The following GALNT17 variants were observed in gnomAD, a reference collection of about 807,000 sequenced individuals.
GALNT17 encodes UDP-GalNAc:polypeptide N-acetylgalactosaminyltransferase-like 3.
In GALNT17, 29 loss-of-function variants were observed where a neutral mutation model predicts 63.7. The ratio of observed to expected loss-of-function variants is 0.46; its 90% CI spans 0.34 to 0.62. The LOEUF (loss-of-function observed/expected upper bound fraction) is 0.62, where lower values mean the gene tolerates loss of function less well. GALNT17 is among the 20% of genes least tolerant of loss of function. The pLI is 0.01. For synonymous variants in GALNT17, 305 were observed against 318.3 expected (o/e 0.96, Z 0.45); for missense variants, 603 against 799.6 (o/e 0.75, Z 2.97).
chr7:71,401,719 A>C (rs1474316714), intron 3 of GALNT17, among the ~76,000 whole-genome samples: 1 of 152,140 alleles, frequency 6.6e-6, no homozygotes, highest in Non-Finnish European at 1.5e-5. Flanking sequence ...CCTTATGAGA[A>C]TCTAACGCCT....
intron 5 of GALNT17, among the ~76,000 whole-genome samples, chr7:71,551,767 A>T (rs1361986196): frequency 9.7e-6 from 1 of 102,926 alleles, no homozygotes; most frequent in Non-Finnish European, 2.5e-5. Context: ...CAAAAAAAAA[A>T]AAAAAAGAGA....
chr7:71,313,691 G>A (rs1278376055), intron 1 of GALNT17, among the ~76,000 whole-genome samples: 1 of 152,228 alleles, frequency 6.6e-6, no homozygotes, highest in African/African-American at 2.4e-5. Context: ...GAGGGAGCTA[G>A]TCTGGGGACA....
chr7:71,373,720 G>A (rs1337393143), intron 2 of GALNT17, among the ~76,000 whole-genome samples: 2 of 152,116 alleles, frequency 1.3e-5, no homozygotes, highest in Non-Finnish European at 2.9e-5. Flanking sequence ...AATGCCTGAT[G>A]ATCTGAGATG....
At chr7:71,540,823 TAGTTAACACAGGATC>T (rs1309329247) in intron 5 of GALNT17, among the ~76,000 whole-genome samples, 1 of 152,190 alleles carries the variant, frequency 6.6e-6, no homozygotes, top group Non-Finnish European at 1.5e-5. Flanking sequence ...GCCATTTTCT[TAGTTAACACAGGATC>T]AGTTAACTCT....
At chr7:71,380,223 G>A (rs1290912460) in intron 2 of GALNT17, among the ~76,000 whole-genome samples, 2 of 152,270 alleles carry the variant, frequency 1.3e-5, no homozygotes, top group East Asian at 3.9e-4. Flanking sequence ...TGGGTGAAGC[G>A]AGGAATGAAT....
At chr7:71,365,967 G>A (rs983808892) in intron 2 of GALNT17, among the ~76,000 whole-genome samples, 2 of 152,148 alleles carry the variant, frequency 1.3e-5, no homozygotes, top group African/African-American at 4.8e-5. Flanking sequence ...CAACTAGACG[G>A]TCCCATCTGG....
chr7:71,309,050 T>G (rs947147415), intron 1 of GALNT17, among the ~76,000 whole-genome samples: 2 of 152,152 alleles, frequency 1.3e-5, no homozygotes, highest in Admixed American at 6.5e-5. Flanking sequence ...AGCTCATTTC[T>G]TTTTACTCTC....
Position 71,603,473 on chromosome 7 carries a change from T to TG in GALNT17, c.1080+32072dup, listed in dbSNP as rs574553425. On this transcript the variant is annotated intron_variant, in intron 6 of 10. Coordinates refer to ENST00000333538, the MANE Select transcript of GALNT17 (RefSeq NM_022479.3). Reference sequence around the variant, plus strand: ...TGCATATACCAGGTACTATGTTAAGTGCGTACACTGGATGCCATGCTGAGT... The same window carrying TG: ...TGCATATACCAGGTACTATGTTAAGTGGCGTACACTGGATGCCATGCTGAGT... 5.1e-4 allele frequency among the ~76,000 whole-genome samples: 77 copies of TG among 152,232 alleles called. 1 individual carries two copies. The East Asian group carries it at 0.013, about 26-fold the overall frequency.
chr7:71,651,879 T>A, intron 6 of GALNT17, among the ~76,000 whole-genome samples: 1 of 152,048 alleles, frequency 6.6e-6, no homozygotes, highest in South Asian at 2.1e-4. Flanking sequence ...GCCCAGCTAA[T>A]TTTTAAATGT....
chr7:71,451,088 A>T (rs1359521820), intron 5 of GALNT17, among the ~76,000 whole-genome samples: 1 of 151,226 alleles, frequency 6.6e-6, no homozygotes, highest in Non-Finnish European at 1.5e-5. Flanking sequence ...CACTCCCTCC[A>T]CCCCACAGCA....
At chr7:71,183,129 G>A (rs956820898) in intron 1 of GALNT17, among the ~76,000 whole-genome samples, 15 of 152,228 alleles carry the variant, frequency 9.9e-5, no homozygotes, top group African/African-American at 2.2e-4. Context: ...AGTACAAGGC[G>A]GAAACTGTGC....
intron 5 of GALNT17, among the ~76,000 whole-genome samples, chr7:71,530,726 C>A (rs1407010929): frequency 6.6e-6 from 1 of 152,028 alleles, no homozygotes; most frequent in African/African-American, 2.4e-5. Flanking sequence ...CGCCTACAGG[C>A]CTGGCTAATT....
intron 5 of GALNT17, among the ~76,000 whole-genome samples, chr7:71,503,833 C>T (rs1563140966): frequency 1.3e-5 from 2 of 152,066 alleles, no homozygotes; most frequent in Non-Finnish European, 1.5e-5. Context: ...CCGTGGCTCA[C>T]GCTTGTAATC....
At chr7:71,290,680 A>G (rs1361805815) in intron 1 of GALNT17, among the ~76,000 whole-genome samples, 2 of 152,178 alleles carry the variant, frequency 1.3e-5, no homozygotes, top group Non-Finnish European at 2.9e-5. Context: ...GGCTGGTCCC[A>G]TCCTGATGTG....
chr7:71,225,318 G>A (rs924505027), intron 1 of GALNT17, among the ~76,000 whole-genome samples: 5 of 152,198 alleles, frequency 3.3e-5, no homozygotes, highest in Admixed American at 6.5e-5. Context: ...AAATTTTCAG[G>A]TAGAGCATGC....
chr7:71,208,674 T>G (rs971157098), intron 1 of GALNT17, among the ~76,000 whole-genome samples: 2 of 151,936 alleles, frequency 1.3e-5, no homozygotes, highest in African/African-American at 4.8e-5. Context: ...CTGGTCTTGA[T>G]CTCCTGGACT....
At chr7:71,514,973 T>C (rs572242449) in intron 5 of GALNT17, among the ~76,000 whole-genome samples, 242 of 152,306 alleles carry the variant, frequency 1.6e-3, no homozygotes, top group African/African-American at 5.5e-3. Flanking sequence ...TCACGAGATC[T>C]GATGGTTTTA....
At chr7:71,403,125 T>C (rs1793268998) in intron 3 of GALNT17, among the ~76,000 whole-genome samples, 1 of 152,178 alleles carries the variant, frequency 6.6e-6, no homozygotes, top group South Asian at 2.1e-4. Context: ...ACACAAGCAA[T>C]AGTGTGTGAA....
At chr7:71,475,852 G>A (rs1787714001) in intron 5 of GALNT17, among the ~76,000 whole-genome samples, 1 of 152,110 alleles carries the variant, frequency 6.6e-6, no homozygotes, top group South Asian at 2.1e-4. Context: ...AGACACCCAG[G>A]AATCTCCTAC....
Sources: allele counts gnomAD v4.1 joint callset (sites outside exome capture counted in the v4.1 genomes callset), GRCh38; gene constraint gnomAD v4.1.1; transcripts MANE v1.5; gene names NCBI Gene and HGNC (gene_info 2026-07-23, HGNC 2026-07-21).